Variants in TRPM3 observed in about 807,000 individuals in gnomAD.
The protein encoded by TRPM3 is transient receptor potential cation channel subfamily M member 3.
Under a neutral mutation model 181.2 loss-of-function variants are expected in TRPM3, and 77 were observed. The ratio of observed to expected loss-of-function variants is 0.42; its 90% CI spans 0.35 to 0.51. The LOEUF is 0.51. Among genes scored for constraint, TRPM3 ranks in the 20% least tolerant of loss-of-function variants. The pLI is 0.01. For missense variants in TRPM3, 1,759 were observed against 2,196.7 expected (o/e 0.80, Z 3.98); for synonymous variants, 745 against 796.4 (o/e 0.94, Z 1.09).
chr9:70,993,674 G>A lies in TRPM3; in HGVS notation c.177+127504C>T, dbSNP rs568681637. ...AGATGGTCTTTGACACCAAGGGGGT[G>A]CGTGAGATTATCTGTGGAAGGAGCA... On this transcript the variant is annotated intron_variant, in intron 1 of 25. Coordinates refer to ENST00000677713, the MANE Select transcript of TRPM3 (RefSeq NM_001366145.2). Among the ~76,000 whole-genome samples, 7 of 151,886 alleles carry A rather than the reference G, an allele frequency of 4.6e-5. No homozygotes were observed. In the East Asian group the frequency reaches 1.2e-3, roughly 25 times the overall value.
At chr9:70,553,514 G>A (rs951576087) in intron 22 of TRPM3, among the ~76,000 whole-genome samples, 5 of 152,068 alleles carry the variant, frequency 3.3e-5, no homozygotes, top group African/African-American at 9.7e-5. Flanking sequence ...GGGGGGCCTC[G>A]GTTCCACAGT....
At chr9:71,202,272 G>T (rs1041922333) in intron 1 of TRPM3, among the ~76,000 whole-genome samples, 2 of 151,296 alleles carry the variant, frequency 1.3e-5, no homozygotes, top group Non-Finnish European at 2.9e-5. Flanking sequence ...GCTGCTCGGG[G>T]GTCAGGGGTC....
chr9:70,892,482 G>T (rs1381304344), intron 1 of TRPM3, among the ~76,000 whole-genome samples: 1 of 151,812 alleles, frequency 6.6e-6, no homozygotes, highest in East Asian at 1.9e-4. Flanking sequence ...TATCTTGAAA[G>T]AATAATGTGG....
At chr9:70,554,676 G>A (rs1211710688) in intron 22 of TRPM3, among the ~76,000 whole-genome samples, 1 of 152,178 alleles carries the variant, frequency 6.6e-6, no homozygotes, top group Non-Finnish European at 1.5e-5. Context: ...CATGAAAGTT[G>A]AGCCCACTGA....
At chr9:70,571,706 A>G (rs2052441916) in intron 22 of TRPM3, among the ~76,000 whole-genome samples, 1 of 152,238 alleles carries the variant, frequency 6.6e-6, no homozygotes, top group East Asian at 1.9e-4. Flanking sequence ...GGATTAAATT[A>G]GTTAGTATTA....
At chr9:71,023,246 G>A (rs1022006649) in intron 1 of TRPM3, among the ~76,000 whole-genome samples, 5 of 152,114 alleles carry the variant, frequency 3.3e-5, no homozygotes, top group Admixed American at 1.3e-4. Flanking sequence ...ATGTTCAAAC[G>A]TAATTCGCCA....
chr9:70,988,273 G>C (rs1173411955), intron 1 of TRPM3, among the ~76,000 whole-genome samples: 1 of 152,184 alleles, frequency 6.6e-6, no homozygotes, highest in South Asian at 2.1e-4. Context: ...CACAGATACA[G>C]AGCTAAGCAT....
chr9:70,908,507 G>A (rs943096390), intron 1 of TRPM3, among the ~76,000 whole-genome samples: 1 of 152,210 alleles, frequency 6.6e-6, no homozygotes, highest in Non-Finnish European at 1.5e-5. Context: ...AGCCCATATA[G>A]CTAAGGAAAA....
At chr9:71,392,509 G>A (rs758246093) in intron 1 of TRPM3, among the ~76,000 whole-genome samples, 2 of 151,888 alleles carry the variant, frequency 1.3e-5, no homozygotes, top group Admixed American at 6.6e-5. Context: ...CTGGGTATTG[G>A]TTTTTTTCAG....
In TRPM3 at chr9:71,186,403, T is replaced by C. The variant is rs548734714; in HGVS notation, c.183+260250A>G. ...TTGAAAAATCTAAGTAATCATATTA[T>C]TAAGGTCACCCACTTCTCTATTTCT... On this transcript the variant is annotated intron_variant, in intron 1 of 24. Coordinates refer to the TRPM3 transcript ENST00000357533. 2.2e-3 allele frequency among the ~76,000 whole-genome samples: 331 copies of C among 152,180 alleles called. 2 individuals carry two copies. The highest frequency in any genetic ancestry group is 0.017 in the Middle Eastern group (5 of 294).
chr9:70,948,847 C>A (rs1251800618), intron 1 of TRPM3, among the ~76,000 whole-genome samples: 2 of 152,050 alleles, frequency 1.3e-5, no homozygotes, highest in African/African-American at 2.4e-5. Flanking sequence ...TTTTCTATTG[C>A]CAAGAATAGT....
chr9:71,389,517 A>G (rs2093009793), intron 1 of TRPM3, among the ~76,000 whole-genome samples: 2 of 152,124 alleles, frequency 1.3e-5, no homozygotes, highest in African/African-American at 2.4e-5. Flanking sequence ...ATATTCAAAA[A>G]AGATACTTGC....
intron 1 of TRPM3, among the ~76,000 whole-genome samples, chr9:70,945,566 C>T (rs1048251456): frequency 6.6e-6 from 1 of 152,146 alleles, no homozygotes; most frequent in Admixed American, 6.5e-5. Context: ...CTTACTACTA[C>T]AGGACATTAA....
intron 5 of TRPM3, among the ~76,000 whole-genome samples, chr9:70,831,939 CA>C (rs2093926149): frequency 1.0e-5 from 1 of 97,694 alleles, no homozygotes; most frequent in Admixed American, 1.2e-4. Context: ...ATGTCTGTAT[CA>C]AAACATTTTA....
chr9:71,145,855 A>T (rs1248959800), intron 1 of TRPM3, among the ~76,000 whole-genome samples: 1 of 152,128 alleles, frequency 6.6e-6, no homozygotes, highest in Non-Finnish European at 1.5e-5. Flanking sequence ...AAAGTACAAA[A>T]TTAAACATTA....
intron 1 of TRPM3, among the ~76,000 whole-genome samples, chr9:71,084,317 T>C (rs1409124819): frequency 1.3e-5 from 2 of 151,998 alleles, no homozygotes; most frequent in Non-Finnish European, 2.9e-5. Flanking sequence ...ACATAGCCAA[T>C]AGGGAATGAA....
chr9:70,681,618 TC>T, intron 8 of TRPM3, 40 bp from the exon 9 acceptor site: 1 of 1,567,350 alleles, frequency 6.4e-7, no homozygotes, highest in Non-Finnish European at 8.8e-7. Context: ...AAAGCATTTT[TC>T]CCCCAAGAGA....
chr9:71,276,458 CA>C (rs913869017), intron 1 of TRPM3, among the ~76,000 whole-genome samples: 17 of 150,826 alleles, frequency 1.1e-4, no homozygotes, highest in East Asian at 5.8e-4. Flanking sequence ...GTAGCATATA[CA>C]AAAAAAACTC....
At chr9:70,918,746 G>C (rs2096626205) in intron 1 of TRPM3, among the ~76,000 whole-genome samples, 2 of 151,960 alleles carry the variant, frequency 1.3e-5, no homozygotes, top group Admixed American at 6.6e-5. Flanking sequence ...AAAATTAGTA[G>C]AAGAAAAGAA....
Sources: gnomAD v4.1 joint callset for allele counts (sites outside exome capture counted in the v4.1 genomes callset) on GRCh38, gnomAD v4.1.1 for gene constraint, MANE v1.5 for transcripts, NCBI Gene and HGNC (gene_info 2026-07-23, HGNC 2026-07-21) for gene names.